Variants in SHC4 observed in about 807,000 individuals in gnomAD.
The protein encoded by SHC4 is SHC adaptor protein 4, also known as SHC-transforming protein 4.
Under a neutral mutation model 69.4 loss-of-function variants are expected in SHC4, and 41 were observed. That is an observed-to-expected ratio of 0.59 (90% CI 0.46 to 0.77). SHC4 has a LOEUF of 0.77. Among genes scored for constraint, SHC4 ranks in the 30% least tolerant of loss-of-function variants. SHC4 has a pLI of 0.00. For synonymous variants in SHC4, 318 were observed against 299.3 expected, an observed-to-expected ratio of 1.06 and a Z score of -0.64; for missense variants, 777 against 783.8, an observed-to-expected ratio of 0.99 and a Z score of 0.10.
At chr15:48,940,732 G>A (rs771451201) in intron 1 of SHC4, among the ~76,000 whole-genome samples, 2 of 152,142 alleles carry the variant, frequency 1.3e-5, no homozygotes, top group African/African-American at 2.4e-5. Context: ...CCTCATTGAC[G>A]TCATTCTCCC....
At position 48,851,227 on chromosome 15, in the gene SHC4, T is replaced by C; in HGVS notation, c.1264A>G (p.Ser422Gly). 1 of 1,614,112 alleles carries C rather than the reference T, an allele frequency of 6.2e-7. No individual in the cohort carries two copies. Among genetic ancestry groups the C allele is most frequent in the Non-Finnish European group, 8.5e-7 (1 of 1,179,982 alleles). ...TGTTCTAAACAGTTCTCATATACAC[T>C]GCTGCACTTGGAGTTTCCAGGCTGC... ...CYLPGNSKCS[S>G]VYENCLEQSR... Residue 422 changes from serine to glycine, a missense_variant, in exon 9 of 12, where the codon AGT becomes GGT. Transcript: ENST00000332408.
chr15:48,850,127 C>A (rs28377065), intron 9 of SHC4, among the ~76,000 whole-genome samples: 1 of 152,116 alleles, frequency 6.6e-6, no homozygotes, highest in Non-Finnish European at 1.5e-5. Flanking sequence ...CGCTTGAACC[C>A]GGAAGGCTGA....
chr15:48,945,037 A>T (rs1901249623), intron 1 of SHC4, among the ~76,000 whole-genome samples: 1 of 152,212 alleles, frequency 6.6e-6, no homozygotes, highest in Admixed American at 6.5e-5. Context: ...TAGGAGAGCA[A>T]CCCAGTCTTT....
At chr15:48,842,654 C>T (rs1051432802) in intron 10 of SHC4, among the ~76,000 whole-genome samples, 1 of 152,112 alleles carries the variant, frequency 6.6e-6, no homozygotes, top group Non-Finnish European at 1.5e-5. Flanking sequence ...AATTCAAGGC[C>T]GGGCATGGTG....
At chr15:48,891,790 A>G (rs1900142159) in intron 2 of SHC4, among the ~76,000 whole-genome samples, 1 of 152,194 alleles carries the variant, frequency 6.6e-6, no homozygotes, top group Non-Finnish European at 1.5e-5. Flanking sequence ...TATAGTTTCG[A>G]TTCCCAAAGG....
intron 10 of SHC4, among the ~76,000 whole-genome samples, chr15:48,838,834 G>A (rs915910409): frequency 1.1e-4 from 16 of 152,090 alleles, no homozygotes; most frequent in African/African-American, 3.6e-4. Flanking sequence ...GACAAACATG[G>A]ATAAAATTAA....
intron 11 of SHC4, among the ~76,000 whole-genome samples, chr15:48,826,488 C>G (rs1450166187): frequency 6.6e-6 from 1 of 151,938 alleles, no homozygotes; most frequent in African/African-American, 2.4e-5. Flanking sequence ...AGCGCCAATG[C>G]CCACCTTGGC....
intron 4 of SHC4, among the ~76,000 whole-genome samples, chr15:48,881,054 C>G (rs1222054458): frequency 1.3e-5 from 2 of 150,142 alleles, no homozygotes; most frequent in Non-Finnish European, 3.0e-5. Context: ...GAAAGGAGTT[C>G]TGGGGAAATT....
Position 48,913,442 on chromosome 15 carries a change from C to G in SHC4, c.656+11437G>C, listed in dbSNP as rs558806121. Among the ~76,000 whole-genome samples the G allele has an allele frequency of 2.0e-5, 3 of 152,094 alleles. No individual in the cohort carries two copies. The East Asian group carries it at 5.8e-4, about 29-fold the overall frequency. On this transcript the variant is annotated intron_variant, in intron 2 of 11. Transcript: ENST00000332408. ...ACCGAAGGTCCGGTTTAACTCCCAC[C>G]GTGCTCTCCCCAATAGCCCCCAGTC...
Position 48,924,182 on chromosome 15 carries a change from G to A in SHC4, c.656+697C>T, listed in dbSNP as rs375512752. ...GGCACCACATCCAATGGATGCCCAAGTCTTCATTCTGAACCACTCATATCG... is the reference window on the plus strand; with the variant it reads ...GGCACCACATCCAATGGATGCCCAAATCTTCATTCTGAACCACTCATATCG... On this transcript the variant is annotated intron_variant, in intron 2 of 11. Transcript: ENST00000332408. Among the ~76,000 whole-genome samples, 3 of 152,248 alleles carry A rather than the reference G, an allele frequency of 2.0e-5. No individual in the cohort carries two copies. In the East Asian group the frequency reaches 5.8e-4, roughly 29 times the overall value.
chr15:48,868,368 T>C (rs1595738414), intron 5 of SHC4, among the ~76,000 whole-genome samples: 1 of 152,174 alleles, frequency 6.6e-6, no homozygotes. Flanking sequence ...GCAGTGTAAG[T>C]TAACTTAAGG....
At chr15:48,930,866 T>C (rs1900951655) in intron 1 of SHC4, among the ~76,000 whole-genome samples, 2 of 152,288 alleles carry the variant, frequency 1.3e-5, no homozygotes, top group South Asian at 4.1e-4. Flanking sequence ...CTTCATAACC[T>C]TGAAACACTG....
intron 10 of SHC4, 43 bp from the exon 11 acceptor site, chr15:48,835,065 T>TCATC: frequency 6.4e-7 from 1 of 1,561,540 alleles, no homozygotes; most frequent in Non-Finnish European, 8.7e-7. Context: ...AGTTACCTCT[T>TCATC]CATCCATCCA....
At chr15:48,873,005 G>A (rs768811951) in intron 4 of SHC4, among the ~76,000 whole-genome samples, 11 of 152,072 alleles carry the variant, frequency 7.2e-5, no homozygotes, top group Admixed American at 1.3e-4. Context: ...ATTCCTAGAC[G>A]TATATCCAAC....
intron 2 of SHC4, among the ~76,000 whole-genome samples, chr15:48,897,925 T>G (rs1356448740): frequency 1.3e-5 from 2 of 152,224 alleles, no homozygotes. Flanking sequence ...TCACCTGCGT[T>G]TCCCAAAGGT....
intron 1 of SHC4, among the ~76,000 whole-genome samples, chr15:48,958,509 C>T (rs982244804): frequency 3.9e-5 from 6 of 152,146 alleles, no homozygotes; most frequent in African/African-American, 1.2e-4. Context: ...TGCCAAAGCT[C>T]GTCAAGGTTG....
chr15:48,851,425 T>C (rs1249494758), intron 8 of SHC4, among the ~76,000 whole-genome samples, 177 bp from the exon 9 acceptor site: 1 of 152,156 alleles, frequency 6.6e-6, no homozygotes, highest in Non-Finnish European at 1.5e-5. Context: ...ACACTCTTCA[T>C]AGTTCATCGC....
At chr15:48,885,863 G>A (rs762994476) in intron 3 of SHC4, among the ~76,000 whole-genome samples, 3 of 152,190 alleles carry the variant, frequency 2.0e-5, no homozygotes, top group Non-Finnish European at 2.9e-5. Flanking sequence ...TGGGCAAAGC[G>A]AGCCACACAG....
chr15:48,858,885 G>A (rs981318778), intron 6 of SHC4, among the ~76,000 whole-genome samples: 51 of 152,168 alleles, frequency 3.4e-4, no homozygotes, highest in African/African-American at 1.2e-3. Context: ...GCTATTTTCT[G>A]AGAAAAGGAA....
Sources: gnomAD v4.1 joint callset for allele counts (sites outside exome capture counted in the v4.1 genomes callset) on GRCh38, gnomAD v4.1.1 for gene constraint, MANE v1.5 for transcripts, NCBI Gene and HGNC (gene_info 2026-07-23, HGNC 2026-07-21) for gene names.